Variants in TTC28 observed in about 807,000 individuals in gnomAD.
TTC28 encodes tetratricopeptide repeat protein 28.
TTC28 carries 61 observed loss-of-function variants against 198.0 expected under a neutral mutation model. The ratio of observed to expected loss-of-function variants is 0.31; its 90% CI spans 0.25 to 0.38. The LOEUF is 0.38. TTC28 is among the 10% of genes least tolerant of loss of function. The pLI is 1.00. For synonymous variants in TTC28, 1,171 were observed against 1,297.8 expected, an observed-to-expected ratio of 0.90 and a Z score of 2.10; for missense variants, 2,678 against 3,164.0, an observed-to-expected ratio of 0.85 and a Z score of 3.69.
intron 14 of TTC28, chr22:28,006,894 T>G (rs1421497308): frequency 6.6e-6 from 1 of 152,168 alleles, no homozygotes; most frequent in East Asian, 1.9e-4. Flanking sequence ...ATGCGCTCCT[T>G]GCGTATCGCC....
intron 2 of TTC28, among the ~76,000 whole-genome samples, chr22:28,482,807 A>G (rs889168931): frequency 1.3e-5 from 2 of 152,186 alleles, no homozygotes; most frequent in Non-Finnish European, 2.9e-5. Context: ...AACATTTCAT[A>G]TCAATGAAAT....
intron 5 of TTC28, among the ~76,000 whole-genome samples, chr22:28,210,755 C>A (rs1184050317): frequency 6.6e-6 from 1 of 152,132 alleles, no homozygotes; most frequent in East Asian, 1.9e-4. Context: ...CCTAGCAAGG[C>A]AGGCCAACAT....
At chr22:28,536,211 A>AT (rs1287744655) in intron 2 of TTC28, among the ~76,000 whole-genome samples, 1 of 148,782 alleles carries the variant, frequency 6.7e-6, no homozygotes, top group African/African-American at 2.5e-5. Flanking sequence ...AAAAAAAAAA[A>AT]AAAAAAAAAC....
At chr22:27,989,334 A>G (rs1272623333) in intron 21 of TTC28, among the ~76,000 whole-genome samples, 1 of 152,194 alleles carries the variant, frequency 6.6e-6, no homozygotes, top group Non-Finnish European at 1.5e-5. Context: ...TGAAACCATT[A>G]TCATCTTATG....
chr22:28,092,403 C>G (rs529935775), intron 12 of TTC28, among the ~76,000 whole-genome samples: 1 of 152,266 alleles, frequency 6.6e-6, no homozygotes, highest in African/African-American at 2.4e-5. Context: ...GAAGGAGGGA[C>G]AGTGGGGGGA....
chr22:28,111,135 G>GT (rs935271985), intron 6 of TTC28, among the ~76,000 whole-genome samples: 15 of 151,722 alleles, frequency 9.9e-5, no homozygotes, highest in East Asian at 1.9e-4. Context: ...TAGAATTGTA[G>GT]TTTTTTTTGT....
intron 2 of TTC28, among the ~76,000 whole-genome samples, chr22:28,486,131 C>T (rs1227892102): frequency 6.6e-6 from 1 of 151,978 alleles, no homozygotes; most frequent in East Asian, 1.9e-4. Context: ...GAATTTTCTT[C>T]CTGTGGGATA....
At chr22:28,648,759 A>G (rs1322565319) in intron 1 of TTC28, among the ~76,000 whole-genome samples, 1 of 152,106 alleles carries the variant, frequency 6.6e-6, no homozygotes, top group Non-Finnish European at 1.5e-5. Flanking sequence ...AAATACAAAA[A>G]TTAGCTGGGC....
intron 6 of TTC28, among the ~76,000 whole-genome samples, chr22:28,113,743 T>C (rs749519599): frequency 1.3e-5 from 2 of 152,222 alleles, no homozygotes; most frequent in Non-Finnish European, 2.9e-5. Flanking sequence ...TGAAAATAGA[T>C]GAAACAAGAT....
Position 28,305,543 on chromosome 22 carries a change from C to T in TTC28, c.529+953G>A, listed in dbSNP as rs541290426. On this transcript the variant is annotated intron_variant, in intron 3 of 22. Coordinates refer to ENST00000397906, the MANE Select transcript of TTC28 (RefSeq NM_001145418.2). ...ACTATATTAAAAATATCTAAGGCTG[C>T]GAACATTTTCAAAACTAGATAAAAT... Among the ~76,000 whole-genome samples the T allele has an allele frequency of 5.3e-5, 8 of 152,124 alleles. No individual in the cohort carries two copies. In the East Asian group the frequency reaches 1.2e-3, roughly 22 times the overall value.
chr22:28,231,522 A>G (rs1928801456), intron 5 of TTC28, among the ~76,000 whole-genome samples: 1 of 152,180 alleles, frequency 6.6e-6, no homozygotes, highest in African/African-American at 2.4e-5. Context: ...CACAAGATAA[A>G]CCTAATACAA....
At chr22:28,237,834 T>C (rs1446095591) in intron 5 of TTC28, among the ~76,000 whole-genome samples, 2 of 152,212 alleles carry the variant, frequency 1.3e-5, no homozygotes, top group East Asian at 3.8e-4. Flanking sequence ...TTGCTGAAAA[T>C]GTTGACTTCA....
chr22:28,095,852 C>T lies in TTC28; in HGVS notation c.3766+338G>A, dbSNP rs73880391. On this transcript the variant is annotated intron_variant, in intron 11 of 22. Transcript: ENST00000397906. ...TATTAAACCATGTCTAGAAAGAATT[C>T]GTTAGGACTTGCAGTCATCACTTTA... Among the ~76,000 whole-genome samples, 1,470 of 152,274 alleles carry T rather than the reference C, an allele frequency of 9.7e-3. 23 individuals carry two copies. Among genetic ancestry groups the T allele is most frequent in the African/African-American group, 0.032 (1,310 of 41,548 alleles).
At chr22:28,454,901 T>G (rs534479493) in intron 2 of TTC28, among the ~76,000 whole-genome samples, 2 of 152,272 alleles carry the variant, frequency 1.3e-5, no homozygotes, top group Admixed American at 1.3e-4. Context: ...AACATACATA[T>G]GCTAATTTTT....
chr22:28,634,738 C>T (rs974921960), intron 1 of TTC28, among the ~76,000 whole-genome samples: 1 of 151,632 alleles, frequency 6.6e-6, no homozygotes, highest in African/African-American at 2.4e-5. Flanking sequence ...GTGTGCACCA[C>T]CACACCCAGC....
At chr22:28,234,196 G>A (rs146264041) in intron 5 of TTC28, among the ~76,000 whole-genome samples, 2,366 of 151,096 alleles carry the variant, frequency 0.016, 67 homozygotes, top group African/African-American at 0.054. Flanking sequence ...ATGAGCCACC[G>A]CACCTGGCCA....
intron 12 of TTC28, among the ~76,000 whole-genome samples, chr22:28,044,101 A>G (rs748159914): frequency 9.9e-5 from 15 of 152,200 alleles, no homozygotes; most frequent in Non-Finnish European, 1.2e-4. Context: ...GGAGCTAAGA[A>G]CAGTTTCTCA....
intron 2 of TTC28, among the ~76,000 whole-genome samples, chr22:28,508,427 G>T (rs1302336372): frequency 6.6e-6 from 1 of 152,136 alleles, no homozygotes; most frequent in Non-Finnish European, 1.5e-5. Context: ...GGGATTACAG[G>T]CACCTGCCAA....
chr22:28,658,928 T>C (rs1212035424), intron 1 of TTC28, among the ~76,000 whole-genome samples: 1 of 151,690 alleles, frequency 6.6e-6, no homozygotes, highest in East Asian at 1.9e-4. Context: ...GCCTGGGAGG[T>C]GGAGGTCACA....
Sources: gnomAD v4.1 joint callset for allele counts (sites outside exome capture counted in the v4.1 genomes callset) on GRCh38, gnomAD v4.1.1 for gene constraint, MANE v1.5 for transcripts, NCBI Gene and HGNC (gene_info 2026-07-23, HGNC 2026-07-21) for gene names.